API5: variants seen among roughly 807,000 people sequenced by gnomAD.
API5 encodes the protein apoptosis inhibitor 5.
A neutral mutation model predicts 71.9 loss-of-function variants in API5; 6 were observed. The ratio of observed to expected loss-of-function variants is 0.08; its 90% CI spans 0.05 to 0.16. The LOEUF (loss-of-function observed/expected upper bound fraction) is 0.16, where lower values mean the gene tolerates loss of function less well. Among genes scored for constraint, API5 ranks in the 10% least tolerant of loss-of-function variants. The probability of loss-of-function intolerance (pLI) is 1.00; values close to 1 mark genes in which losing one functional copy is unlikely to be tolerated. For synonymous variants in API5, 189 were observed against 221.3 expected, an observed-to-expected ratio of 0.85 and a Z score of 1.30; for missense variants, 332 against 612.8, an observed-to-expected ratio of 0.54 and a Z score of 4.84.
At position 43,336,006 on chromosome 11, in the gene API5, C is replaced by T. The variant is rs370463823; in HGVS notation, c.1492+12C>T. Reference sequence around the variant, plus strand: ...CAACTTTAATTATGGTGAGCGTTTCCGTTTGGGTACAAGGAATATGAGAGA... The same window carrying T: ...CAACTTTAATTATGGTGAGCGTTTCTGTTTGGGTACAAGGAATATGAGAGA... On this transcript the variant is annotated intron_variant, in intron 13 of 13. Coordinates refer to ENST00000531273, the MANE Select transcript of API5 (RefSeq NM_001142930.2). The T allele has an allele frequency of 2.4e-5, 39 of 1,612,758 alleles. No homozygotes were observed. The highest frequency in any genetic ancestry group is 1.3e-4 in the African/African-American group (10 of 74,838).
Position 43,320,881 on chromosome 11 carries a change from G to C in API5, c.292G>C (p.Val98Leu). 1 of 1,612,212 alleles carries C rather than the reference G, an allele frequency of 6.2e-7. No homozygotes were observed. Among genetic ancestry groups the C allele is most frequent in the Non-Finnish European group, 8.5e-7 (1 of 1,180,016 alleles). Reference sequence around the variant, plus strand: ...TGCCACTGGAGAAAATCTTCCTCGAGTGGCAGATATACTAACGCAACTTTT... The same window carrying C: ...TGCCACTGGAGAAAATCTTCCTCGACTGGCAGATATACTAACGCAACTTTT... ...QFATGENLPRVADILTQLLQT... is the reference protein window; with the variant it reads ...QFATGENLPRLADILTQLLQT... Residue 98 changes from valine to leucine, a missense_variant, in exon 3 of 14, where the codon GTG (valine) becomes CTG (leucine). Val to Leu is a conservative substitution (Grantham distance 32, BLOSUM62 1). Around this residue, in one of 3 missense-constraint regions of API5, gnomAD observed 127 missense variants for 237.6 expected, o/e 0.53. Coordinates refer to ENST00000531273, the MANE Select transcript of API5 (RefSeq NM_001142930.2).
intron 13 of API5, among the ~76,000 whole-genome samples, chr11:43,337,156 T>G (rs555980778): frequency 1.3e-5 from 2 of 151,960 alleles, no homozygotes; most frequent in South Asian, 2.1e-4. Context: ...AGACCCCATT[T>G]CTACAAAGAA....
intron 13 of API5, among the ~76,000 whole-genome samples, chr11:43,339,590 A>AT (rs926643735): frequency 6.6e-6 from 1 of 152,168 alleles, no homozygotes; most frequent in African/African-American, 2.4e-5. Context: ...AAGTGACTTG[A>AT]TTTTTCAGCA....
intron 4 of API5, 21 bp from the exon 5 acceptor site, chr11:43,321,964 G>T (rs746757830): frequency 6.3e-7 from 1 of 1,597,410 alleles, no homozygotes; most frequent in Non-Finnish European, 8.5e-7. Flanking sequence ...ACTTGCTACA[G>T]GCAACTATTT....
chr11:43,326,245 T>A (rs1855068773), intron 6 of API5, among the ~76,000 whole-genome samples: 1 of 152,244 alleles, frequency 6.6e-6, no homozygotes, highest in African/African-American at 2.4e-5. Flanking sequence ...TGTCTTGACC[T>A]TGATGGAGCT....
intron 1 of API5, chr11:43,318,302 C>T (rs1854746507): frequency 1.0e-6 from 1 of 970,836 alleles, no homozygotes; most frequent in Non-Finnish European, 1.5e-6. Context: ...AGCCACCACG[C>T]CTGGCCCATT....
intron 13 of API5, chr11:43,340,225 A>C (rs182398646): frequency 2.8e-6 from 1 of 355,964 alleles, no homozygotes; most frequent in African/African-American, 2.2e-5. Flanking sequence ...TTAACCAAGA[A>C]GGTAAAATAT....
intron 10 of API5, 155 bp downstream of exon 10, chr11:43,330,213 A>T: frequency 1.5e-6 from 1 of 665,596 alleles, no homozygotes; most frequent in Non-Finnish European, 2.5e-6. Flanking sequence ...ATGTTCCTAT[A>T]ACTTAAACTG....
chr11:43,334,394 A>G (rs1855360364), intron 11 of API5, among the ~76,000 whole-genome samples: 1 of 152,180 alleles, frequency 6.6e-6, no homozygotes, highest in African/African-American at 2.4e-5. Context: ...AAATCACTCC[A>G]GTTAGAAACC....
chr11:43,323,325 C>A (rs1326543344), intron 5 of API5, 105 bp from the exon 6 acceptor site: 2 of 1,069,684 alleles, frequency 1.9e-6, no homozygotes, highest in Non-Finnish European at 2.7e-6. Flanking sequence ...GCATTAATAA[C>A]AAACTGACTT....
At position 43,312,101 on chromosome 11, in the gene API5, A is replaced by G; in HGVS notation, c.-27A>G. The G allele has an allele frequency of 6.2e-7, 1 of 1,612,868 alleles. No homozygotes were observed. Among genetic ancestry groups the G allele is most frequent in the Non-Finnish European group, 8.5e-7 (1 of 1,179,682 alleles). ...GCGCCGGTCAGGACAAGGATAGCGG[A>G]ACCGGGCCCTGGGCTTGTCGCTCAC... On this transcript the variant is annotated 5_prime_UTR_variant, in exon 1 of 14. Transcript: ENST00000531273.
chr11:43,322,887 T>A (rs185799129), intron 5 of API5, among the ~76,000 whole-genome samples: 16 of 152,216 alleles, frequency 1.1e-4, no homozygotes, highest in Non-Finnish European at 2.1e-4. Context: ...GTCGTGATTG[T>A]GAGCTTTTTT....
chr11:43,334,829 T>C (rs940907023), intron 11 of API5, among the ~76,000 whole-genome samples: 1 of 152,160 alleles, frequency 6.6e-6, no homozygotes, highest in African/African-American at 2.4e-5. Context: ...TTGTTTGTTT[T>C]TACTTTTCCT....
intron 1 of API5, among the ~76,000 whole-genome samples, chr11:43,316,511 A>G (rs1360173732): frequency 6.6e-6 from 1 of 152,178 alleles, no homozygotes; most frequent in Non-Finnish European, 1.5e-5. Flanking sequence ...TGTCAGAACA[A>G]ACTTTGATTT....
Position 43,322,111 on chromosome 11 carries a change from A to G in API5, c.518A>G (p.Glu173Gly). 1 of 1,608,666 alleles carries G rather than the reference A, an allele frequency of 6.2e-7. No individual in the cohort carries two copies. Among genetic ancestry groups the G allele is most frequent in the Non-Finnish European group, 8.5e-7 (1 of 1,178,582 alleles). ...GAAGTCTTAACAAAGGAAGTGGAAG[A>G]GCTTATACTAACTGAATCCAAAAAG... Reference protein sequence around the residue: ...PDEVLTKEVEELILTESKKVL... With the variant: ...PDEVLTKEVEGLILTESKKVL... The change falls in exon 5 of 14, where the codon GAG becomes GGG. Residue 173 changes from glutamate to glycine, a missense_variant. Glu to Gly is a moderately conservative substitution (Grantham distance 98). Around this residue, in one of 3 missense-constraint regions of API5, gnomAD observed 127 missense variants for 237.6 expected, o/e 0.53. Transcript: ENST00000531273.
chr11:43,322,389 T>G (rs1228778619), intron 5 of API5, among the ~76,000 whole-genome samples: 4 of 152,190 alleles, frequency 2.6e-5, no homozygotes, highest in African/African-American at 9.6e-5. Context: ...TCCTTAAAAT[T>G]TGTGCAACCT....
chr11:43,325,844 T>A (rs1855052868), intron 6 of API5, among the ~76,000 whole-genome samples: 1 of 152,196 alleles, frequency 6.6e-6, no homozygotes, highest in Non-Finnish European at 1.5e-5. Context: ...TTTTTTGGGA[T>A]GCTCAAGACA....
intron 7 of API5, 68 bp downstream of exon 7, chr11:43,326,679 A>C: frequency 1.1e-6 from 1 of 876,058 alleles, no homozygotes; most frequent in Non-Finnish European, 1.9e-6. Context: ...GTAAACCACT[A>C]ACTTAGATCC....
rs147544710 is a variant in API5 at position 43,341,120 on chromosome 11, G to C, written c.1493-1308G>C. Among the ~76,000 whole-genome samples the C allele has an allele frequency of 7.6e-3, 1,162 of 152,274 alleles. 10 individuals are homozygous for C. The highest frequency in any genetic ancestry group is 0.013 in the Non-Finnish European group (907 of 68,004). ...TAAAAATGGGCAAATCATCTGAACA[G>C]ACATTTCTCAAAAGAAGACGTACAA... On this transcript the variant is annotated intron_variant, in intron 13 of 13. Transcript: ENST00000531273.
Sources: gnomAD v4.1 joint callset for allele counts (sites outside exome capture counted in the v4.1 genomes callset) on GRCh38, gnomAD v4.1.1 for gene constraint, gnomAD v4.1.1 regional missense constraint, MANE v1.5 for transcripts, NCBI Gene and HGNC (gene_info 2026-07-23, HGNC 2026-07-21) for gene names.